The following EYS variants were observed in gnomAD, a reference collection of about 807,000 sequenced individuals.
EYS encodes the protein EGF-like photoreceptor maintenance factor, also known as protein eyes shut homolog.
EYS carries 250 observed loss-of-function variants against 282.1 expected under a neutral mutation model. The ratio of observed to expected loss-of-function variants is 0.89; its 90% CI spans 0.80 to 0.98. The LOEUF is 0.98. Among genes scored for constraint, EYS ranks in the 50% least tolerant of loss-of-function variants. The pLI, the probability that EYS is intolerant of heterozygous loss-of-function variation, is 0.00. For synonymous variants in EYS, 1,355 were observed against 1,282.9 expected (o/e 1.06, Z -1.20); for missense variants, 4,016 against 3,709.0 (o/e 1.08, Z -2.15).
At chr6:63,773,815 C>A (rs553788333) in intron 40 of EYS, among the ~76,000 whole-genome samples, 4 of 152,216 alleles carry the variant, frequency 2.6e-5, no homozygotes, top group Admixed American at 2.6e-4. Context: ...AATTTGGGAA[C>A]TTTGGCAGAC....
intron 40 of EYS, among the ~76,000 whole-genome samples, chr6:63,765,404 A>T (rs1769762250): frequency 1.3e-5 from 2 of 152,060 alleles, no homozygotes; most frequent in South Asian, 4.1e-4. Context: ...AGGCCGCCAG[A>T]GTGAGATTTG....
At chr6:64,261,787 G>GTT (rs55966462) in intron 30 of EYS, among the ~76,000 whole-genome samples, 2 of 144,744 alleles carry the variant, frequency 1.4e-5, no homozygotes, top group African/African-American at 5.1e-5. Flanking sequence ...AGGTTATTTT[G>GTT]TTTTTTTTTT....
chr6:63,930,713 T>C lies in EYS; in HGVS notation c.7055+53670A>G, dbSNP rs558098117. Among the ~76,000 whole-genome samples the C allele has an allele frequency of 1.2e-4, 18 of 152,308 alleles. 1 individual carries two copies. In the South Asian group the frequency reaches 3.3e-3, roughly 28 times the overall value. Reference sequence around the variant, plus strand: ...TTTCCAAATTTGATTTTCTTCTCCATTGAAATGGCAGGTTGAAGACTCAGA... The same window carrying C: ...TTTCCAAATTTGATTTTCTTCTCCACTGAAATGGCAGGTTGAAGACTCAGA... On this transcript the variant is annotated intron_variant, in intron 35 of 42. Transcript: ENST00000503581.
chr6:64,120,078 TG>T (rs1460630181), intron 31 of EYS, among the ~76,000 whole-genome samples: 1 of 151,988 alleles, frequency 6.6e-6, no homozygotes, highest in Non-Finnish European at 1.5e-5. Flanking sequence ...CCAGGCGTGG[TG>T]GCTTACACCT....
intron 5 of EYS, among the ~76,000 whole-genome samples, chr6:65,462,775 T>G (rs1427185324): frequency 6.6e-6 from 1 of 152,128 alleles, no homozygotes; most frequent in African/African-American, 2.4e-5. Context: ...GTGAGTTATA[T>G]GGCTTACATT....
intron 22 of EYS, among the ~76,000 whole-genome samples, chr6:64,730,596 A>T (rs759543358): frequency 6.6e-6 from 1 of 152,130 alleles, no homozygotes; most frequent in Non-Finnish European, 1.5e-5. Context: ...CTCCTGCCTC[A>T]GCCTCCGAGT....
At chr6:63,965,214 ATCGATAAT>A (rs1193341484) in intron 35 of EYS, among the ~76,000 whole-genome samples, 3 of 152,284 alleles carry the variant, frequency 2.0e-5, no homozygotes, top group Middle Eastern at 3.4e-3. Flanking sequence ...TTTGTGTAAG[ATCGATAAT>A]TCTTACTTTG....
At chr6:63,889,398 G>A (rs1773350830) in intron 35 of EYS, among the ~76,000 whole-genome samples, 2 of 152,154 alleles carry the variant, frequency 1.3e-5, no homozygotes, top group African/African-American at 2.4e-5. Flanking sequence ...AGCCACAAAG[G>A]AGAGCCCATT....
intron 31 of EYS, among the ~76,000 whole-genome samples, chr6:64,167,258 G>A (rs904415610): frequency 2.0e-5 from 3 of 152,144 alleles, no homozygotes; most frequent in Non-Finnish European, 4.4e-5. Context: ...CCTATGATAT[G>A]AAATTAAATT....
chr6:63,901,348 G>T (rs1376387528), intron 35 of EYS, among the ~76,000 whole-genome samples: 3 of 152,106 alleles, frequency 2.0e-5, no homozygotes, highest in East Asian at 1.9e-4. Flanking sequence ...GAATGAAAAA[G>T]GATTGAAGTG....
intron 26 of EYS, among the ~76,000 whole-genome samples, chr6:64,479,109 T>C (rs1035782984): frequency 1.3e-5 from 2 of 151,908 alleles, no homozygotes; most frequent in Non-Finnish European, 2.9e-5. Flanking sequence ...GTAATGAAAG[T>C]TAATCTTTAG....
At chr6:65,381,044 GGAAGACA>G (rs1765590965) in intron 8 of EYS, among the ~76,000 whole-genome samples, 1 of 152,080 alleles carries the variant, frequency 6.6e-6, no homozygotes, top group Non-Finnish European at 1.5e-5. Context: ...CAACCATTGT[GGAAGACA>G]GTGTGGTGAT....
At chr6:63,822,917 GT>G (rs1189367367) in intron 36 of EYS, among the ~76,000 whole-genome samples, 13 of 152,036 alleles carry the variant, frequency 8.6e-5, no homozygotes. Flanking sequence ...TTTTATTCCA[GT>G]TTTTAGTTTC....
intron 26 of EYS, among the ~76,000 whole-genome samples, chr6:64,583,972 T>C (rs1290245070): frequency 3.3e-5 from 5 of 152,178 alleles, no homozygotes; most frequent in Non-Finnish European, 7.4e-5. Flanking sequence ...AGATATATAT[T>C]ATACTTTTTT....
At chr6:63,824,547 G>T (rs758269069) in intron 36 of EYS, among the ~76,000 whole-genome samples, 2 of 152,126 alleles carry the variant, frequency 1.3e-5, no homozygotes, top group African/African-American at 4.8e-5. Context: ...GCTGCAGGAC[G>T]CGGAGACACC....
chr6:64,997,142 A>G (rs146816475), intron 14 of EYS, among the ~76,000 whole-genome samples: 1 of 152,294 alleles, frequency 6.6e-6, no homozygotes, highest in Non-Finnish European at 1.5e-5. Context: ...CCAACAGATG[A>G]GTGAAGGAAA....
chr6:64,091,964 T>C (rs997453267), intron 31 of EYS, among the ~76,000 whole-genome samples: 10 of 152,120 alleles, frequency 6.6e-5, no homozygotes, highest in Admixed American at 1.3e-4. Context: ...TGTGTTCTCA[T>C]TGTTCAATTC....
chr6:65,047,073 C>T (rs555085487), intron 13 of EYS, among the ~76,000 whole-genome samples: 54 of 151,350 alleles, frequency 3.6e-4, no homozygotes, highest in African/African-American at 9.9e-4. Context: ...GTACAGCCTG[C>T]GGAACTATGA....
At chr6:63,733,298 T>A (rs1242392370) in intron 41 of EYS, among the ~76,000 whole-genome samples, 2 of 152,150 alleles carry the variant, frequency 1.3e-5, no homozygotes, top group African/African-American at 4.8e-5. Flanking sequence ...TTTCAACTTG[T>A]ATTTTAGGTC....
Sources: allele counts gnomAD v4.1 joint callset (sites outside exome capture counted in the v4.1 genomes callset), GRCh38; gene constraint gnomAD v4.1.1; transcripts MANE v1.5; gene names NCBI Gene and HGNC (gene_info 2026-07-23, HGNC 2026-07-21).